MAN1C1: variants seen among roughly 807,000 people sequenced by gnomAD.
The protein encoded by MAN1C1 is mannosyl-oligosaccharide 1,2-alpha-mannosidase IC.
MAN1C1 carries 49 observed loss-of-function variants against 71.5 expected under a neutral mutation model. The observed-to-expected ratio is 0.69, with a 90% CI of 0.54 to 0.87. MAN1C1 has a LOEUF of 0.87. Among genes scored for constraint, MAN1C1 ranks in the 40% least tolerant of loss-of-function variants. The pLI, the probability that MAN1C1 is intolerant of heterozygous loss-of-function variation, is 0.00. For missense variants in MAN1C1, 743 were observed against 835.0 expected (o/e 0.89, Z 1.36); for synonymous variants, 352 against 343.7 (o/e 1.02, Z -0.27).
At chr1:25,625,679 G>A (rs1189460223) in intron 1 of MAN1C1, among the ~76,000 whole-genome samples, 1 of 152,088 alleles carries the variant, frequency 6.6e-6, no homozygotes, top group Non-Finnish European at 1.5e-5. Flanking sequence ...AAAATAATCA[G>A]GCGTGGTAGT....
intron 1 of MAN1C1, among the ~76,000 whole-genome samples, chr1:25,662,259 C>T (rs1054353855): frequency 6.6e-6 from 1 of 152,176 alleles, no homozygotes; most frequent in Non-Finnish European, 1.5e-5. Context: ...TAAGCAAATG[C>T]AGGGAGGACT....
intron 1 of MAN1C1, among the ~76,000 whole-genome samples, chr1:25,676,279 A>G (rs2124147673): frequency 6.6e-6 from 1 of 152,260 alleles, no homozygotes; most frequent in East Asian, 1.9e-4. Flanking sequence ...GCCTTTCAAT[A>G]GCTTGAGTAA....
intron 1 of MAN1C1, among the ~76,000 whole-genome samples, chr1:25,622,471 A>G (rs2045229258): frequency 6.6e-6 from 1 of 152,240 alleles, no homozygotes; most frequent in Non-Finnish European, 1.5e-5. Context: ...ACTAACAGTT[A>G]AGATTGCTAG....
chr1:25,655,125 C>T (rs1455539697), intron 1 of MAN1C1, among the ~76,000 whole-genome samples: 2 of 152,226 alleles, frequency 1.3e-5, no homozygotes, highest in Non-Finnish European at 2.9e-5. Context: ...CAATTGAGAG[C>T]TTCAGCCTCC....
chr1:25,763,982 G>T lies in MAN1C1; in HGVS notation c.1141+15G>T. ...CTGGGTGCAACGTGAGTACAGAGAC[G>T]CCACTGCCCCTTATTCAGCGGGTTC... On this transcript the variant is annotated intron_variant, in intron 7 of 11. Coordinates refer to ENST00000374332, the MANE Select transcript of MAN1C1 (RefSeq NM_020379.4). 1 of 1,602,326 alleles carries T rather than the reference G, an allele frequency of 6.2e-7. No homozygotes were observed. Among genetic ancestry groups the T allele is most frequent in the South Asian group, 1.1e-5 (1 of 90,846 alleles).
chr1:25,764,018 T>C lies in MAN1C1; in HGVS notation c.1141+51T>C, dbSNP rs1275266095. Reference sequence around the variant, plus strand: ...TTATTCAGCGGGTTCCTGCCCAGGCTTCCTAGGAAGACCCTGCCAGGCCCC... The same window carrying C: ...TTATTCAGCGGGTTCCTGCCCAGGCCTCCTAGGAAGACCCTGCCAGGCCCC... On this transcript the variant is annotated intron_variant, in intron 7 of 11. Transcript: ENST00000374332. The surrounding 1 kb of genome is among the most constrained non-coding windows in gnomAD (Gnocchi z 4.4). 5 of 1,494,240 alleles carry C rather than the reference T, an allele frequency of 3.3e-6. No individual in the cohort carries two copies. Among genetic ancestry groups the C allele is most frequent in the Non-Finnish European group, 4.7e-6 (5 of 1,072,438 alleles). The allele number at this position is 1,494,240 out of a possible 1,614,324, so 92.6% of individuals were successfully genotyped here.
At chr1:25,641,149 G>T (rs890241116) in intron 1 of MAN1C1, among the ~76,000 whole-genome samples, 1 of 152,194 alleles carries the variant, frequency 6.6e-6, no homozygotes, top group African/African-American at 2.4e-5. Context: ...AATGCTTCCT[G>T]GACAGATCAG....
intron 2 of MAN1C1, among the ~76,000 whole-genome samples, chr1:25,721,174 C>T (rs1015867158): frequency 2.0e-5 from 3 of 151,924 alleles, no homozygotes; most frequent in African/African-American, 7.3e-5. Flanking sequence ...ATTTTTTTTA[C>T]AAGGTTCTTG....
intron 1 of MAN1C1, among the ~76,000 whole-genome samples, chr1:25,660,407 T>C (rs1219477501): frequency 4.3e-5 from 6 of 138,494 alleles, no homozygotes; most frequent in African/African-American, 1.4e-4. Context: ...TTTTTTTTTT[T>C]TTTTTTTTTT....
chr1:25,691,636 G>A (rs962316194), intron 2 of MAN1C1, among the ~76,000 whole-genome samples: 1 of 152,188 alleles, frequency 6.6e-6, no homozygotes, highest in African/African-American at 2.4e-5. Flanking sequence ...GGGCGTCCAA[G>A]TCCCCTGGAC....
intron 2 of MAN1C1, among the ~76,000 whole-genome samples, chr1:25,693,959 C>A (rs1328598933): frequency 1.3e-5 from 2 of 152,190 alleles, no homozygotes; most frequent in Non-Finnish European, 1.5e-5. Context: ...CATATACATT[C>A]ATAAAATGTA....
chr1:25,654,870 C>G (rs2045742559), intron 1 of MAN1C1, among the ~76,000 whole-genome samples: 1 of 152,134 alleles, frequency 6.6e-6, no homozygotes, highest in Non-Finnish European at 1.5e-5. Flanking sequence ...TGGTCTCGAT[C>G]TCCTGACCTC....
chr1:25,742,423 C>T (rs1205736751), intron 2 of MAN1C1, among the ~76,000 whole-genome samples: 1 of 152,150 alleles, frequency 6.6e-6, no homozygotes, highest in South Asian at 2.1e-4. Context: ...ACCTGTGGGG[C>T]GGTTTTCCTT....
chr1:25,717,879 A>C lies in MAN1C1; in HGVS notation c.638-28789A>C, dbSNP rs552285262. Reference sequence around the variant, plus strand: ...ATGCTCGGCCCCATTTTCCGTTCTTACCAGCAGTGTGTGAGAGTTCTAGTT... The same window carrying C: ...ATGCTCGGCCCCATTTTCCGTTCTTCCCAGCAGTGTGTGAGAGTTCTAGTT... On this transcript the variant is annotated intron_variant, in intron 2 of 11. Coordinates refer to ENST00000374332, the MANE Select transcript of MAN1C1 (RefSeq NM_020379.4). Among the ~76,000 whole-genome samples, 21 of 152,234 alleles carry C rather than the reference A, an allele frequency of 1.4e-4. No individual in the cohort carries two copies. The South Asian group carries it at 3.9e-3, about 29-fold the overall frequency.
intron 4 of MAN1C1, among the ~76,000 whole-genome samples, chr1:25,752,410 A>T (rs1291059013): frequency 6.6e-6 from 1 of 152,082 alleles, no homozygotes; most frequent in Non-Finnish European, 1.5e-5. Flanking sequence ...CAGGTGATCC[A>T]CCTGCTTCGG....
At chr1:25,691,612 A>T (rs1572153122) in intron 2 of MAN1C1, among the ~76,000 whole-genome samples, 1 of 152,222 alleles carries the variant, frequency 6.6e-6, no homozygotes, top group African/African-American at 2.4e-5. Flanking sequence ...TGCTGCTCCC[A>T]TTTTGATTGG....
intron 1 of MAN1C1, among the ~76,000 whole-genome samples, chr1:25,670,353 A>G (rs997215124): frequency 6.6e-6 from 1 of 152,124 alleles, no homozygotes; most frequent in Non-Finnish European, 1.5e-5. Context: ...CTTTGTTTTC[A>G]CTTAAACCTG....
At chr1:25,699,435 G>A (rs1043804379) in intron 2 of MAN1C1, among the ~76,000 whole-genome samples, 3 of 152,172 alleles carry the variant, frequency 2.0e-5, no homozygotes, top group Admixed American at 2.0e-4. Flanking sequence ...GATGTTCAGT[G>A]TGGCTGTACT....
intron 1 of MAN1C1, among the ~76,000 whole-genome samples, chr1:25,682,922 C>T (rs1370305268): frequency 2.0e-5 from 3 of 151,844 alleles, no homozygotes; most frequent in East Asian, 1.9e-4. Context: ...TCTGTAATCC[C>T]GGCTACTCGG....
Sources: gnomAD v4.1 joint callset for allele counts (sites outside exome capture counted in the v4.1 genomes callset) on GRCh38, gnomAD v4.1.1 for gene constraint, Gnocchi (gnomAD v3.1) non-coding constraint, MANE v1.5 for transcripts, NCBI Gene and HGNC (gene_info 2026-07-23, HGNC 2026-07-21) for gene names.